The following STPG2 variants were observed in gnomAD, a reference collection of about 807,000 sequenced individuals.
STPG2 encodes sperm-tail PG-rich repeat-containing protein 2.
STPG2 carries 56 observed loss-of-function variants against 54.2 expected under a neutral mutation model. That is an observed-to-expected ratio of 1.03 (90% confidence interval 0.83 to 1.29). STPG2 has a LOEUF of 1.29. Ranked by LOEUF, STPG2 falls within the 50% of genes most tolerant of loss-of-function variation. The pLI is 0.00. For missense variants in STPG2, 596 were observed against 544.9 expected, an observed-to-expected ratio of 1.09 and a Z score of -0.93; for synonymous variants, 200 against 181.8, an observed-to-expected ratio of 1.10 and a Z score of -0.81.
At chr4:97,552,946 C>A (rs1362110360) in intron 4 of STPG2, among the ~76,000 whole-genome samples, 1 of 152,226 alleles carries the variant, frequency 6.6e-6, no homozygotes, top group Non-Finnish European at 1.5e-5. Flanking sequence ...GCAAATCAAA[C>A]CAGATTGGTA....
intron 5 of STPG2, among the ~76,000 whole-genome samples, chr4:98,085,437 T>C (rs1241800040): frequency 6.6e-6 from 1 of 152,110 alleles, no homozygotes; most frequent in African/African-American, 2.4e-5. Flanking sequence ...GGAATTTGAT[T>C]GGGTTGATAC....
At chr4:97,847,755 ATG>A (rs1243284818) in intron 8 of STPG2, among the ~76,000 whole-genome samples, 1 of 152,156 alleles carries the variant, frequency 6.6e-6, no homozygotes, top group African/African-American at 2.4e-5. Context: ...CTACCAAACG[ATG>A]TGTTCTTTCC....
chr4:97,545,254 C>G (rs1175218633), intron 4 of STPG2, among the ~76,000 whole-genome samples: 4 of 152,020 alleles, frequency 2.6e-5, no homozygotes, highest in African/African-American at 9.7e-5. Flanking sequence ...GCATAAAAAC[C>G]TACATTTTAA....
At chr4:97,514,701 T>A (rs937920177) in intron 4 of STPG2, among the ~76,000 whole-genome samples, 40 of 152,070 alleles carry the variant, frequency 2.6e-4, no homozygotes, top group Admixed American at 2.6e-3. Context: ...AAGTTAAAAA[T>A]CACAGTTCTT....
At chr4:97,621,590 T>G (rs904128289) in intron 10 of STPG2, among the ~76,000 whole-genome samples, 1 of 151,970 alleles carries the variant, frequency 6.6e-6, no homozygotes, top group African/African-American at 2.4e-5. Context: ...AGAAACTGAA[T>G]CCTTGAACAG....
rs781599224 is a variant in STPG2 at position 97,568,907 on chromosome 4, TTTTTG to T, written c.1321-9795_1321-9791del. Reference sequence around the variant, plus strand: ...TCTTTTGTTTTTTGTTTTGTTTTTTTTTTTGTTTGTTTGTTTTGTTTTGCAGTTGT... The same window carrying T: ...TCTTTTGTTTTTTGTTTTGTTTTTTTTTTGTTTGTTTTGTTTTGCAGTTGT... On this transcript the variant is annotated intron_variant, in intron 10 of 10. Coordinates refer to ENST00000295268, the MANE Select transcript of STPG2 (RefSeq NM_174952.3). Among the ~76,000 whole-genome samples the T allele has an allele frequency of 4.1e-3, 616 of 151,524 alleles. 3 individuals carry two copies. Among genetic ancestry groups the T allele is most frequent in the South Asian group, 0.02 (98 of 4,826 alleles).
chr4:97,841,511 T>C (rs563402799), intron 8 of STPG2, among the ~76,000 whole-genome samples: 1 of 151,994 alleles, frequency 6.6e-6, no homozygotes, highest in East Asian at 1.9e-4. Flanking sequence ...ATAAGTGCCA[T>C]ATATTTGTTG....
At chr4:97,564,825 C>G (rs1578392106) in intron 10 of STPG2, among the ~76,000 whole-genome samples, 1 of 152,166 alleles carries the variant, frequency 6.6e-6, no homozygotes, top group Non-Finnish European at 1.5e-5. Context: ...ATGGGCTTCC[C>G]TTTGTGAGTA....
chr4:97,884,553 C>A (rs954058373), intron 8 of STPG2, among the ~76,000 whole-genome samples: 3 of 152,128 alleles, frequency 2.0e-5, no homozygotes, highest in Admixed American at 6.5e-5. Context: ...TTCGCTCTTG[C>A]ACTTCTAGCC....
In STPG2 at chr4:98,068,718, A is replaced by G. The variant is rs888615872; in HGVS notation, c.612+37235T>C. ...AATACTTACTGAGAAATGTGTCGTG[A>G]GGTGATTTCATCATTGTGCAAACAT... On this transcript the variant is annotated intron_variant, in intron 5 of 10. Coordinates refer to ENST00000295268, the MANE Select transcript of STPG2 (RefSeq NM_174952.3). 1.2e-4 allele frequency among the ~76,000 whole-genome samples: 18 copies of G among 152,158 alleles called. No individual in the cohort carries two copies. In the South Asian group the frequency reaches 2.9e-3, roughly 25 times the overall value.
At chr4:97,772,779 C>A (rs1726257916) in intron 9 of STPG2, among the ~76,000 whole-genome samples, 1 of 152,004 alleles carries the variant, frequency 6.6e-6, no homozygotes, top group Non-Finnish European at 1.5e-5. Context: ...AAGAAAACAT[C>A]CAAAAGTAAA....
chr4:98,012,307 A>G (rs1033200513), intron 5 of STPG2, among the ~76,000 whole-genome samples: 1 of 152,082 alleles, frequency 6.6e-6, no homozygotes, highest in African/African-American at 2.4e-5. Flanking sequence ...CCATTAGTCT[A>G]TATGTCTGTT....
At chr4:97,828,330 T>G (rs1429003791) in intron 9 of STPG2, among the ~76,000 whole-genome samples, 1 of 152,108 alleles carries the variant, frequency 6.6e-6, no homozygotes, top group East Asian at 1.9e-4. Context: ...TGAGGGACTG[T>G]GCTGTGAGGA....
chr4:97,538,262 T>C (rs1391250909), intron 4 of STPG2, among the ~76,000 whole-genome samples: 3 of 152,060 alleles, frequency 2.0e-5, no homozygotes, highest in African/African-American at 7.2e-5. Flanking sequence ...AAGGAGGAAG[T>C]TCAAACCCAT....
chr4:97,783,535 G>C (rs1726721459), intron 9 of STPG2, among the ~76,000 whole-genome samples: 1 of 152,150 alleles, frequency 6.6e-6, no homozygotes, highest in African/African-American at 2.4e-5. Flanking sequence ...CAAGGATCTA[G>C]AACTAGAAAT....
intron 9 of STPG2, among the ~76,000 whole-genome samples, chr4:97,772,927 G>A (rs1199064090): frequency 2.6e-5 from 4 of 152,158 alleles, no homozygotes; most frequent in Non-Finnish European, 5.9e-5. Context: ...TTAGATCCAA[G>A]GGTGGAAAGG....
At chr4:97,901,497 AC>A (rs1244004695) in intron 8 of STPG2, among the ~76,000 whole-genome samples, 6 of 152,048 alleles carry the variant, frequency 3.9e-5, no homozygotes, top group Non-Finnish European at 8.8e-5. Context: ...GTTACAGAAT[AC>A]AAAATTAACA....
chr4:97,920,948 T>C (rs1490850730), intron 8 of STPG2, among the ~76,000 whole-genome samples: 1 of 152,186 alleles, frequency 6.6e-6, no homozygotes, highest in Non-Finnish European at 1.5e-5. Flanking sequence ...ACTCATCTCA[T>C]TACAGAAACA....
intron 8 of STPG2, among the ~76,000 whole-genome samples, chr4:97,907,656 G>T (rs903549767): frequency 5.3e-5 from 8 of 152,134 alleles, no homozygotes; most frequent in Non-Finnish European, 2.9e-5. Flanking sequence ...CATGGTACTG[G>T]TACCAAAACA....
Sources: gnomAD v4.1 joint callset for allele counts (sites outside exome capture counted in the v4.1 genomes callset) on GRCh38, gnomAD v4.1.1 for gene constraint, MANE v1.5 for transcripts, NCBI Gene and HGNC (gene_info 2026-07-23, HGNC 2026-07-21) for gene names.